Variants in SPRR2F observed in about 807,000 individuals in gnomAD.
The protein encoded by SPRR2F is small proline rich protein 2F, also known as small proline-rich protein 2F.
A neutral mutation model predicts 0.8 loss-of-function variants in SPRR2F; 2 were observed. The observed-to-expected ratio is 2.52, with a 90% CI of 1.03 to 7.95. The LOEUF (loss-of-function observed/expected upper bound fraction) is 7.95. Among genes scored for constraint, SPRR2F ranks in the 30% most tolerant of loss-of-function variants. SPRR2F has a pLI of 0.04. For missense variants in SPRR2F, 80 were observed against 85.8 expected, an observed-to-expected ratio of 0.93 and a Z score of 0.27; for synonymous variants, 39 against 33.4, an observed-to-expected ratio of 1.17 and a Z score of -0.58.
At chr1:153,112,896 C>G (rs368865745) in intron 1 of SPRR2F, 144 bp from the exon 2 acceptor site, 2 of 1,348,346 alleles carry the variant, frequency 1.5e-6, no homozygotes, top group Non-Finnish European at 2.0e-6. Flanking sequence ...GAGTCCCTGG[C>G]TTCTCACTTC....
At chr1:153,117,320 G>A (rs537592876), upstream of SPRR2F, among the ~76,000 whole-genome samples, 1 of 152,152 alleles carries the variant, frequency 6.6e-6, no homozygotes, top group Non-Finnish European at 1.5e-5. Flanking sequence ...TTTGGACTAA[G>A]ATTGTCTTCT....
At chr1:153,118,179 A>G (rs2101633760), upstream of SPRR2F, among the ~76,000 whole-genome samples, 1 of 152,210 alleles carries the variant, frequency 6.6e-6, no homozygotes, top group Admixed American at 6.5e-5. Flanking sequence ...AAATAGATAA[A>G]TAAACTGTAG....
At chr1:153,116,390 T>C (rs1175469041), upstream of SPRR2F, among the ~76,000 whole-genome samples, 1 of 152,220 alleles carries the variant, frequency 6.6e-6, no homozygotes, top group Non-Finnish European at 1.5e-5. Flanking sequence ...TAATTACAGA[T>C]GATTTTTATT....
At chr1:153,119,391 C>T in the SPRR2F span, among the ~76,000 whole-genome samples, 1 of 152,152 alleles carries the variant, frequency 6.6e-6, no homozygotes, top group Non-Finnish European at 1.5e-5. Context: ...ATCAGGAGAA[C>T]CAGAAAGACC....
At chr1:153,114,721 C>A (rs1655685903), upstream of SPRR2F, among the ~76,000 whole-genome samples, 1 of 152,124 alleles carries the variant, frequency 6.6e-6, no homozygotes, top group Non-Finnish European at 1.5e-5. Flanking sequence ...GCTAGATTAT[C>A]AAGTCACACC....
chr1:153,119,291 G>A, the SPRR2F span, among the ~76,000 whole-genome samples: 4,869 of 152,184 alleles, frequency 0.032, 530 homozygotes, highest in East Asian at 0.36. Context: ...AACAAACAGA[G>A]ATTGGTGGAA....
At chr1:153,117,492 A>G (rs964274364), upstream of SPRR2F, among the ~76,000 whole-genome samples, 1 of 152,038 alleles carries the variant, frequency 6.6e-6, no homozygotes, top group African/African-American at 2.4e-5. Flanking sequence ...TGTTCAGGAC[A>G]ATAAAAAATT....
upstream of SPRR2F, among the ~76,000 whole-genome samples, chr1:153,115,730 C>G (rs907684965): frequency 6.6e-6 from 1 of 152,146 alleles, no homozygotes; most frequent in Non-Finnish European, 1.5e-5. Flanking sequence ...ATCTATCTAT[C>G]TATCTTCTAT....
Position 153,112,234 on chromosome 1 carries a change from A to G in SPRR2F, c.*281T>C, listed in dbSNP as rs1307514058. 4.0e-6 allele frequency: 2 copies of G among 502,310 alleles called. No individual in the cohort carries two copies. The highest frequency in any genetic ancestry group is 3.7e-5 in the Admixed American group (1 of 26,870). The allele number at this position is 502,310 out of a possible 1,614,324, so 31.1% of individuals were successfully genotyped here. ...CAGAAAACATCAACAGAATTCTCTAATGGTTCCCAGGGAGAGAGCTGCTCT... is the reference window on the plus strand; with the variant it reads ...CAGAAAACATCAACAGAATTCTCTAGTGGTTCCCAGGGAGAGAGCTGCTCT... On this transcript the variant is annotated 3_prime_UTR_variant, in exon 2 of 2. Coordinates refer to ENST00000468739, the MANE Select transcript of SPRR2F (RefSeq NM_001014450.3).
upstream of SPRR2F, among the ~76,000 whole-genome samples, chr1:153,115,478 A>G (rs1655706312): frequency 6.6e-6 from 1 of 152,200 alleles, no homozygotes; most frequent in African/African-American, 2.4e-5. Context: ...TGTTTATCAC[A>G]GCAGTGCAGG....
upstream of SPRR2F, among the ~76,000 whole-genome samples, chr1:153,114,576 A>C (rs1045834553): frequency 3.9e-5 from 6 of 152,164 alleles, no homozygotes; most frequent in Admixed American, 3.3e-4. Context: ...CTGGGGGAAA[A>C]TACAAATTAA....
chr1:153,115,088 C>G (rs1655696429), upstream of SPRR2F, among the ~76,000 whole-genome samples: 1 of 152,118 alleles, frequency 6.6e-6, no homozygotes, highest in Admixed American at 6.6e-5. Flanking sequence ...GTTAGGTTCC[C>G]AGAGCTGCCA....
At chr1:153,114,628 G>A (rs11205204), upstream of SPRR2F, among the ~76,000 whole-genome samples, 97 of 152,128 alleles carry the variant, frequency 6.4e-4, no homozygotes, top group African/African-American at 2.3e-3. Flanking sequence ...TTCTAAACAG[G>A]TTTTAGGTGT....
chr1:153,115,528 G>T (rs1655707102), upstream of SPRR2F, among the ~76,000 whole-genome samples: 1 of 152,122 alleles, frequency 6.6e-6, no homozygotes, highest in Admixed American at 6.5e-5. Flanking sequence ...CAGCATCTCA[G>T]ACAGGCTCAC....
rs1298046672 is a variant in SPRR2F at position 153,112,603 on chromosome 1, G to T, written c.131C>A (p.Ser44Tyr). Residue 44 changes from serine to tyrosine, a missense_variant, in exon 2 of 2, where the codon TCC becomes TAC. Coordinates refer to ENST00000468739, the MANE Select transcript of SPRR2F (RefSeq NM_001014450.3). Reference protein sequence around the residue: ...EPCPPSKCPQSCPPQQCQQKC... With the variant: ...EPCPPSKCPQYCPPQQCQQKC... ...CTGCTGGCACTGCTGAGGTGGGCAG[G>T]ACTGTGGACACTTTGATGGTGGGCA... 4 of 1,612,888 alleles carry T rather than the reference G, an allele frequency of 2.5e-6. No individual in the cohort carries two copies. The highest frequency in any genetic ancestry group is 3.4e-6 in the Non-Finnish European group (4 of 1,179,848).
chr1:153,113,732 C>T (rs1025113437), upstream of SPRR2F, among the ~76,000 whole-genome samples: 1 of 152,206 alleles, frequency 6.6e-6, no homozygotes, highest in Non-Finnish European at 1.5e-5. Flanking sequence ...TGCCTTAGAT[C>T]TCAGTTTCAG....
the SPRR2F span, among the ~76,000 whole-genome samples, chr1:153,119,371 C>T: frequency 1.3e-5 from 2 of 152,280 alleles, no homozygotes; most frequent in Admixed American, 6.5e-5. Flanking sequence ...GAAGACACAA[C>T]GGTTGCAGAA....
upstream of SPRR2F, among the ~76,000 whole-genome samples, chr1:153,114,149 C>T (rs1271412352): frequency 6.6e-6 from 1 of 151,628 alleles, no homozygotes; most frequent in Non-Finnish European, 1.5e-5. Flanking sequence ...CTGTTCAAGC[C>T]AGAAACTTTC....
upstream of SPRR2F, among the ~76,000 whole-genome samples, chr1:153,116,750 G>A (rs1004639319): frequency 1.3e-5 from 2 of 152,016 alleles, no homozygotes; most frequent in South Asian, 4.1e-4. Context: ...CCAAAATTGA[G>A]AGATCATACC....
Sources: gnomAD v4.1 joint callset for allele counts (sites outside exome capture counted in the v4.1 genomes callset) on GRCh38, gnomAD v4.1.1 for gene constraint, MANE v1.5 for transcripts, NCBI Gene and HGNC (gene_info 2026-07-23, HGNC 2026-07-21) for gene names.